JAKMIP2: variants seen among roughly 807,000 people sequenced by gnomAD.
JAKMIP2 encodes the protein janus kinase and microtubule-interacting protein 2.
Under a neutral mutation model 115.0 loss-of-function variants are expected in JAKMIP2, and 25 were observed. The observed-to-expected ratio is 0.22, with a 90% CI of 0.16 to 0.30. JAKMIP2 has a LOEUF of 0.30. Ranked by LOEUF, JAKMIP2 falls within the 10% of genes least tolerant of loss-of-function variation. JAKMIP2 has a pLI of 1.00. For missense variants in JAKMIP2, 642 were observed against 957.6 expected, an observed-to-expected ratio of 0.67 and a Z score of 4.35; for synonymous variants, 334 against 343.6, an observed-to-expected ratio of 0.97 and a Z score of 0.31.
rs1327758507 is a variant in JAKMIP2 at position 147,780,656 on chromosome 5, T to C, written c.-149+1800A>G. 1.3e-5 allele frequency among the ~76,000 whole-genome samples: 2 copies of C among 152,168 alleles called. 1 individual carries two copies. Among genetic ancestry groups the C allele is most frequent in the Non-Finnish European group, 2.9e-5 (2 of 68,034 alleles). On this transcript the variant is annotated intron_variant, in intron 1 of 21. Transcript: ENST00000616793. The stretch of plus-strand genomic sequence containing the variant: ...TATGGATCTATAATATATAACATGC[T>C]ATGAGCACATGCACAATTGAGTCAC...
At chr5:147,664,054 G>A (rs1202649851) in intron 2 of JAKMIP2, among the ~76,000 whole-genome samples, 1 of 152,150 alleles carries the variant, frequency 6.6e-6, no homozygotes, top group Non-Finnish European at 1.5e-5. Flanking sequence ...AAACTATAAT[G>A]TTTTGGATAA....
chr5:147,612,169 G>A (rs1239747241), intron 20 of JAKMIP2, 137 bp downstream of exon 20: 3 of 758,750 alleles, frequency 4.0e-6, no homozygotes, highest in Non-Finnish European at 7.2e-6. Context: ...GAAGGTGAAA[G>A]CTAGGTTTAC....
intron 1 of JAKMIP2, among the ~76,000 whole-genome samples, chr5:147,747,066 C>T (rs548193537): frequency 6.0e-4 from 92 of 152,256 alleles, no homozygotes; most frequent in African/African-American, 2.0e-3. Context: ...ATGTCTTTCA[C>T]CCACTCTCCC....
intron 1 of JAKMIP2, among the ~76,000 whole-genome samples, chr5:147,765,034 A>AGAAAGGGAGACAGAGAGAGAG (rs1561582949): frequency 2.4e-4 from 14 of 58,810 alleles, no homozygotes; most frequent in East Asian, 4.4e-4. Context: ...GAGAGAGAGA[A>AGAAAGGGAGACAGAGAGAGAG]AGAAAGAAAG....
At chr5:147,599,405 T>A (rs1291163725) in intron 21 of JAKMIP2, among the ~76,000 whole-genome samples, 1 of 152,232 alleles carries the variant, frequency 6.6e-6, no homozygotes, top group Non-Finnish European at 1.5e-5. Flanking sequence ...ACTTGTAAGC[T>A]GTGCACTCTA....
chr5:147,721,574 G>A (rs1371545100), intron 1 of JAKMIP2, among the ~76,000 whole-genome samples: 4 of 152,184 alleles, frequency 2.6e-5, no homozygotes, highest in African/African-American at 9.7e-5. Context: ...TAAGCCCGTC[G>A]GAAAAGCGCA....
At chr5:147,759,855 A>G (rs760606209) in intron 1 of JAKMIP2, among the ~76,000 whole-genome samples, 5 of 152,122 alleles carry the variant, frequency 3.3e-5, no homozygotes, top group African/African-American at 7.2e-5. Context: ...AGAATTTACC[A>G]TACAGGGGAG....
At chr5:147,598,426 A>ATCTG (rs1470641009) in intron 21 of JAKMIP2, among the ~76,000 whole-genome samples, 3 of 1,236 alleles carry the variant, frequency 2.4e-3, no homozygotes, top group Non-Finnish European at 8.7e-3. Flanking sequence ...TCTCATTTTC[A>ATCTG]TCTATCTATC....
At chr5:147,721,645 G>C (rs1020922531) in intron 1 of JAKMIP2, among the ~76,000 whole-genome samples, 1 of 152,114 alleles carries the variant, frequency 6.6e-6, no homozygotes, top group African/African-American at 2.4e-5. Flanking sequence ...TCTTTGACTC[G>C]GAAAGGGAAC....
intron 12 of JAKMIP2, among the ~76,000 whole-genome samples, chr5:147,635,318 C>A (rs564852618): frequency 1.3e-5 from 2 of 152,052 alleles, no homozygotes; most frequent in East Asian, 3.9e-4. Flanking sequence ...TCTATTCAAG[C>A]CTAAGCCATG....
chr5:147,649,362 C>T (rs1758281958), intron 4 of JAKMIP2, among the ~76,000 whole-genome samples: 1 of 152,086 alleles, frequency 6.6e-6, no homozygotes, highest in South Asian at 2.1e-4. Flanking sequence ...AGACACCATG[C>T]TCAACATTTT....
In JAKMIP2 at chr5:147,782,476, CTGT is replaced by C; in HGVS notation, c.-172_-170del. 6.5e-7 allele frequency: 1 copy of C among 1,535,982 alleles called. No individual in the cohort carries two copies. The highest frequency in any genetic ancestry group is 8.7e-7 in the Non-Finnish European group (1 of 1,146,796). ...CTCACCATGCTGAGACCCGGAGAAGCTGTTTAAAGGAGGGAGAGATGCAAACTG... is the reference window on the plus strand; with the variant it reads ...CTCACCATGCTGAGACCCGGAGAAGCTTAAAGGAGGGAGAGATGCAAACTG... On this transcript the variant is annotated 5_prime_UTR_variant, in exon 1 of 22. Transcript: ENST00000616793.
intron 1 of JAKMIP2, among the ~76,000 whole-genome samples, chr5:147,706,636 A>G (rs1465100359): frequency 1.3e-5 from 2 of 152,180 alleles, no homozygotes; most frequent in African/African-American, 4.8e-5. Context: ...TTATCCTAAA[A>G]ATTATGATCT....
At chr5:147,739,725 T>A (rs547573890) in intron 1 of JAKMIP2, among the ~76,000 whole-genome samples, 25 of 152,186 alleles carry the variant, frequency 1.6e-4, no homozygotes, top group African/African-American at 5.8e-4. Context: ...CCAACTTCAG[T>A]GAGGGAGATA....
intron 1 of JAKMIP2, among the ~76,000 whole-genome samples, chr5:147,763,854 T>C (rs1167340245): frequency 6.6e-6 from 1 of 152,104 alleles, no homozygotes; most frequent in East Asian, 1.9e-4. Flanking sequence ...ATATTTGATG[T>C]TTGCTACCAC....
chr5:147,631,199 C>CT (rs757628328), intron 14 of JAKMIP2, among the ~76,000 whole-genome samples: 4 of 152,288 alleles, frequency 2.6e-5, no homozygotes, highest in Admixed American at 1.3e-4. Flanking sequence ...ATGGATGCCT[C>CT]TGTTTCTTCT....
chr5:147,777,177 T>C (rs1755590560), intron 1 of JAKMIP2, among the ~76,000 whole-genome samples: 1 of 152,154 alleles, frequency 6.6e-6, no homozygotes, highest in Non-Finnish European at 1.5e-5. Flanking sequence ...CATTGTAAGA[T>C]GCAGTGGCAG....
intron 1 of JAKMIP2, among the ~76,000 whole-genome samples, chr5:147,732,689 A>G (rs1753778604): frequency 6.6e-6 from 1 of 152,234 alleles, no homozygotes; most frequent in Non-Finnish European, 1.5e-5. Context: ...ATTAATCCTC[A>G]CAAAACCCCA....
chr5:147,685,551 T>A (rs1760525867), intron 1 of JAKMIP2, among the ~76,000 whole-genome samples: 1 of 152,206 alleles, frequency 6.6e-6, no homozygotes, highest in African/African-American at 2.4e-5. Context: ...TAAGCCCAAC[T>A]GTACCAGAAA....
Sources: allele counts gnomAD v4.1 joint callset (sites outside exome capture counted in the v4.1 genomes callset), GRCh38; gene constraint gnomAD v4.1.1; transcripts MANE v1.5; gene names NCBI Gene and HGNC (gene_info 2026-07-23, HGNC 2026-07-21).